Variants in MAF observed in about 807,000 individuals in gnomAD.
The protein encoded by MAF is transcription factor Maf.
Under a neutral mutation model 22.0 loss-of-function variants are expected in MAF, and 10 were observed. The ratio of observed to expected loss-of-function variants is 0.45; its 90% CI spans 0.28 to 0.77. The LOEUF is 0.77. MAF is among the 30% of genes least tolerant of loss of function. The pLI is 0.12. For synonymous variants in MAF, 337 were observed against 255.8 expected, an observed-to-expected ratio of 1.32 and a Z score of -3.03; for missense variants, 544 against 548.4, an observed-to-expected ratio of 0.99 and a Z score of 0.08.
At chr16:79,231,118 G>A in the MAF span, among the ~76,000 whole-genome samples, 31 of 152,148 alleles carry the variant, frequency 2.0e-4, no homozygotes, top group African/African-American at 7.5e-4. Flanking sequence ...GCTCTCAGGT[G>A]GGATAGCAGG....
the MAF span, among the ~76,000 whole-genome samples, chr16:79,534,154 T>C: frequency 3.3e-5 from 5 of 152,352 alleles, no homozygotes; most frequent in Admixed American, 2.0e-4. Context: ...CTTGTGAACA[T>C]CCAAGGAGAC....
chr16:79,346,975 G>A, the MAF span, among the ~76,000 whole-genome samples: 104 of 152,268 alleles, frequency 6.8e-4, no homozygotes, highest in Middle Eastern at 6.8e-3. Flanking sequence ...GGTGTGACTG[G>A]TTGGAATTAT....
chr16:79,519,741 C>T, the MAF span, among the ~76,000 whole-genome samples: 2 of 152,250 alleles, frequency 1.3e-5, no homozygotes, highest in African/African-American at 4.8e-5. Flanking sequence ...ACTTCCTGTC[C>T]TAACTCATGG....
At chr16:79,372,415 A>G in the MAF span, among the ~76,000 whole-genome samples, 1 of 152,208 alleles carries the variant, frequency 6.6e-6, no homozygotes, top group Non-Finnish European at 1.5e-5. Context: ...GGACTGTGAT[A>G]TATGTCTGCT....
the MAF span, among the ~76,000 whole-genome samples, chr16:79,213,921 C>A: frequency 6.6e-6 from 1 of 152,162 alleles, no homozygotes; most frequent in Non-Finnish European, 1.5e-5. Context: ...ATAATTTGGT[C>A]TCCAGCTACC....
chr16:79,278,502 C>G, the MAF span, among the ~76,000 whole-genome samples: 1 of 152,192 alleles, frequency 6.6e-6, no homozygotes, highest in Non-Finnish European at 1.5e-5. Flanking sequence ...TGTTCTCTCA[C>G]CTAAGAACCA....
At chr16:79,588,390 T>A (rs1960015176) in intron 1 of MAF, among the ~76,000 whole-genome samples, 1 of 152,210 alleles carries the variant, frequency 6.6e-6, no homozygotes. Flanking sequence ...TTTCGGATCA[T>A]TTTTATTTCA....
At chr16:79,430,616 A>C in the MAF span, among the ~76,000 whole-genome samples, 21 of 152,268 alleles carry the variant, frequency 1.4e-4, 1 homozygote, top group Middle Eastern at 3.4e-3. Flanking sequence ...GAATTGGGAA[A>C]ATGAGAGGCC....
the MAF span, among the ~76,000 whole-genome samples, chr16:79,377,142 G>A: frequency 0.05 from 7,668 of 151,944 alleles, 593 homozygotes; most frequent in African/African-American, 0.17. Flanking sequence ...TCCCACCAAC[G>A]GTGTAAAAGT....
chr16:79,363,316 G>C, the MAF span, among the ~76,000 whole-genome samples: 1 of 152,144 alleles, frequency 6.6e-6, no homozygotes, highest in Non-Finnish European at 1.5e-5. Context: ...CCCAACCTAA[G>C]TTGAATATAT....
At chr16:79,388,761 G>A in the MAF span, among the ~76,000 whole-genome samples, 1 of 152,202 alleles carries the variant, frequency 6.6e-6, no homozygotes, top group African/African-American at 2.4e-5. Flanking sequence ...TACATTGTGT[G>A]CATTAGCACC....
the MAF span, among the ~76,000 whole-genome samples, chr16:79,429,254 G>A: frequency 6.6e-6 from 1 of 152,148 alleles, no homozygotes; most frequent in South Asian, 2.1e-4. Flanking sequence ...ATTCCGTAAT[G>A]AGCCAATACA....
At chr16:79,284,147 T>C in the MAF span, among the ~76,000 whole-genome samples, 4 of 152,164 alleles carry the variant, frequency 2.6e-5, no homozygotes, top group Non-Finnish European at 5.9e-5. Context: ...AGAACACCAC[T>C]GACCCTTCAG....
the MAF span, among the ~76,000 whole-genome samples, chr16:79,343,536 C>G: frequency 6.6e-6 from 1 of 152,144 alleles, no homozygotes; most frequent in African/African-American, 2.4e-5. Context: ...TTTCATTTTG[C>G]TTGAAAACAG....
At chr16:79,524,163 C>T in the MAF span, among the ~76,000 whole-genome samples, 21 of 152,292 alleles carry the variant, frequency 1.4e-4, no homozygotes, top group African/African-American at 5.1e-4. Context: ...TTTGATAAAC[C>T]CTCTGATCCC....
chr16:79,315,861 A>T, the MAF span, among the ~76,000 whole-genome samples: 1 of 152,234 alleles, frequency 6.6e-6, no homozygotes, highest in East Asian at 1.9e-4. Flanking sequence ...AAGATAAAAA[A>T]TTCCAGTGAG....
intron 1 of MAF, chr16:79,597,536 C>G: frequency 9.8e-7 from 1 of 1,022,990 alleles, no homozygotes; most frequent in Non-Finnish European, 1.2e-6. Flanking sequence ...AATGTGTAAC[C>G]CATTCTGGTA....
At chr16:79,292,622 C>T in the MAF span, among the ~76,000 whole-genome samples, 1 of 152,140 alleles carries the variant, frequency 6.6e-6, no homozygotes, top group African/African-American at 2.4e-5. Flanking sequence ...TGAATAGGGG[C>T]TGGTCACAAT....
the MAF span, among the ~76,000 whole-genome samples, chr16:79,428,123 C>T: frequency 3.9e-5 from 5 of 128,468 alleles, no homozygotes; most frequent in African/African-American, 1.4e-4. Flanking sequence ...AAAAGCTTTT[C>T]TGCTGTGAAG....
Sources: gnomAD v4.1 joint callset for allele counts (sites outside exome capture counted in the v4.1 genomes callset) on GRCh38, gnomAD v4.1.1 for gene constraint, MANE v1.5 for transcripts, NCBI Gene and HGNC (gene_info 2026-07-23, HGNC 2026-07-21) for gene names.